OCA2: variants seen among roughly 807,000 people sequenced by gnomAD.
OCA2 encodes OCA2 melanosomal transmembrane protein.
OCA2 carries 77 observed loss-of-function variants against 100.2 expected under a neutral mutation model. The ratio of observed to expected loss-of-function variants is 0.77; its 90% CI spans 0.64 to 0.93. OCA2 has a LOEUF of 0.93. OCA2 is among the 40% of genes least tolerant of loss of function. The pLI is 0.00. For missense variants in OCA2, 1,062 were observed against 1,089.1 expected, an observed-to-expected ratio of 0.98 and a Z score of 0.35; for synonymous variants, 432 against 439.2, an observed-to-expected ratio of 0.98 and a Z score of 0.21.
Position 27,834,446 on chromosome 15 carries a change from C to T in OCA2, c.2432+10513G>A, listed in dbSNP as rs75838394. ...TAAAATAAGTAGTAAAGGTAGGTAACATGCTTTCCTGAGTTCTCTGAGTCA... is the reference window on the plus strand; with the variant it reads ...TAAAATAAGTAGTAAAGGTAGGTAATATGCTTTCCTGAGTTCTCTGAGTCA... On this transcript the variant is annotated intron_variant, in intron 23 of 23. Transcript: ENST00000354638. Among the ~76,000 whole-genome samples the T allele has an allele frequency of 4.9e-3, 751 of 152,314 alleles. 6 individuals are homozygous for T. Among genetic ancestry groups the T allele is most frequent in the African/African-American group, 0.017 (712 of 41,556 alleles).
intron 2 of OCA2, among the ~76,000 whole-genome samples, chr15:28,046,661 A>G (rs2043357146): frequency 6.6e-6 from 1 of 152,170 alleles, no homozygotes; most frequent in Non-Finnish European, 1.5e-5. Flanking sequence ...GCAACCAACC[A>G]TGCACTGACA....
At chr15:27,751,413 T>C (rs1357421305), downstream of OCA2, among the ~76,000 whole-genome samples, 1 of 152,214 alleles carries the variant, frequency 6.6e-6, no homozygotes, top group Non-Finnish European at 1.5e-5. Flanking sequence ...AACATCCTGA[T>C]GGTAATTTTA....
At chr15:28,031,974 A>G in intron 3 of OCA2, 91 bp downstream of exon 3, 1 of 913,090 alleles carries the variant, frequency 1.1e-6, no homozygotes, top group Non-Finnish European at 1.8e-6. Context: ...AAACATGTCC[A>G]ATAAAAATTC....
intron 18 of OCA2, among the ~76,000 whole-genome samples, chr15:27,937,817 A>G (rs918670102): frequency 1.8e-4 from 27 of 152,178 alleles, no homozygotes; most frequent in Admixed American, 6.5e-5. Flanking sequence ...TAATTTCCAA[A>G]TGTGACAATG....
rs533897633 is a variant in OCA2 at position 27,800,181 on chromosome 15, T to C, written c.2433-44709A>G. On this transcript the variant is annotated intron_variant, in intron 23 of 23. Coordinates refer to ENST00000354638, the MANE Select transcript of OCA2 (RefSeq NM_000275.3). ...TAAATGAAAATGAAAACACAACTTATCAGAATTTGTACGATTGTACTAAAG... is the reference window on the plus strand; with the variant it reads ...TAAATGAAAATGAAAACACAACTTACCAGAATTTGTACGATTGTACTAAAG... 5.9e-5 allele frequency among the ~76,000 whole-genome samples: 9 copies of C among 152,274 alleles called. No homozygotes were observed. The highest frequency in any genetic ancestry group is 1.9e-4 in the African/African-American group (8 of 41,556).
intron 19 of OCA2, among the ~76,000 whole-genome samples, chr15:27,878,186 C>T (rs1211125425): frequency 6.6e-6 from 1 of 151,854 alleles, no homozygotes. Context: ...CATCTATATA[C>T]ATTAAAACTC....
At chr15:27,983,923 C>T (rs2041255335) in intron 13 of OCA2, among the ~76,000 whole-genome samples, 1 of 151,558 alleles carries the variant, frequency 6.6e-6, no homozygotes, top group Non-Finnish European at 1.5e-5. Flanking sequence ...TCTTCTCACC[C>T]CCTCCCTTTG....
At chr15:28,018,118 T>C (rs1396351373) in intron 7 of OCA2, among the ~76,000 whole-genome samples, 2 of 152,172 alleles carry the variant, frequency 1.3e-5, no homozygotes, top group Admixed American at 1.3e-4. Context: ...AAAAAAGTTT[T>C]TTCATTTCAA....
At chr15:27,920,489 C>A (rs970229398) in intron 19 of OCA2, among the ~76,000 whole-genome samples, 22 of 152,086 alleles carry the variant, frequency 1.4e-4, no homozygotes, top group Admixed American at 7.2e-4. Flanking sequence ...TAATTTTTTA[C>A]AAAAATTATA....
At chr15:27,753,663 G>C (rs2030154482), downstream of OCA2, among the ~76,000 whole-genome samples, 2 of 152,024 alleles carry the variant, frequency 1.3e-5, no homozygotes. Flanking sequence ...CGTGAACCCG[G>C]GAGGCGGAGC....
intron 19 of OCA2, among the ~76,000 whole-genome samples, chr15:27,924,180 T>C (rs2038965344): frequency 6.6e-6 from 1 of 152,186 alleles, no homozygotes; most frequent in Non-Finnish European, 1.5e-5. Context: ...GTGTACAGCC[T>C]TATTTCTGGG....
chr15:27,746,491 T>C, the OCA2 span, among the ~76,000 whole-genome samples: 1 of 103,734 alleles, frequency 9.6e-6, no homozygotes, highest in Non-Finnish European at 2.1e-5. Context: ...AATAAATAAA[T>C]AAATAGAACT....
At chr15:28,054,062 G>A (rs982461256) in intron 2 of OCA2, among the ~76,000 whole-genome samples, 1 of 152,080 alleles carries the variant, frequency 6.6e-6, no homozygotes, top group African/African-American at 2.4e-5. Flanking sequence ...ATATATGTGG[G>A]CATGTGTAAG....
intron 2 of OCA2, among the ~76,000 whole-genome samples, chr15:28,052,532 A>T (rs2043548688): frequency 6.6e-6 from 1 of 152,154 alleles, no homozygotes. Flanking sequence ...CCCAAATGCA[A>T]ATCCACAAGT....
At chr15:27,898,746 C>T (rs902119057) in intron 19 of OCA2, among the ~76,000 whole-genome samples, 4 of 152,026 alleles carry the variant, frequency 2.6e-5, no homozygotes, top group African/African-American at 7.2e-5. Flanking sequence ...AGTGTTTTCA[C>T]CTGAAGGGAT....
At chr15:27,930,598 C>T (rs72712631) in intron 18 of OCA2, among the ~76,000 whole-genome samples, 1 of 148,350 alleles carries the variant, frequency 6.7e-6, no homozygotes, top group South Asian at 2.2e-4. Context: ...GAGAGAGTGT[C>T]TGGCTAAAAA....
intron 23 of OCA2, among the ~76,000 whole-genome samples, chr15:27,825,149 G>C (rs1172103625): frequency 6.6e-6 from 1 of 152,150 alleles, no homozygotes; most frequent in Non-Finnish European, 1.5e-5. Context: ...TGATTGCTTG[G>C]TGAGTTGACT....
chr15:27,858,305 C>T (rs2036012466), intron 21 of OCA2, among the ~76,000 whole-genome samples: 1 of 144,668 alleles, frequency 6.9e-6, no homozygotes, highest in African/African-American at 2.6e-5. Flanking sequence ...ACCTGGGAGG[C>T]AGAGGTTGCA....
Position 27,789,435 on chromosome 15 carries a change from A to G in OCA2, c.2433-33963T>C, listed in dbSNP as rs113927506. ...TTCGTTTCAACATTTTAAATGTCAT[A>G]CTACTGCTTTTTGGCCTACACTTAT... On this transcript the variant is annotated intron_variant, in intron 23 of 23. Coordinates refer to ENST00000354638, the MANE Select transcript of OCA2 (RefSeq NM_000275.3). Among the ~76,000 whole-genome samples the G allele has an allele frequency of 6.1e-3, 933 of 152,270 alleles. 17 individuals are homozygous for G. Among genetic ancestry groups the G allele is most frequent in the African/African-American group, 0.021 (869 of 41,540 alleles).
Sources: allele counts gnomAD v4.1 joint callset (sites outside exome capture counted in the v4.1 genomes callset), GRCh38; gene constraint gnomAD v4.1.1; transcripts MANE v1.5; gene names NCBI Gene and HGNC (gene_info 2026-07-23, HGNC 2026-07-21).